PRKG1: variants seen among roughly 807,000 people sequenced by gnomAD.
PRKG1 encodes the protein cGMP-dependent protein kinase 1.
PRKG1 carries 35 observed loss-of-function variants against 88.1 expected under a neutral mutation model. The ratio of observed to expected loss-of-function variants is 0.40; its 90% CI spans 0.30 to 0.53. The LOEUF (loss-of-function observed/expected upper bound fraction) is 0.53. PRKG1 is among the 20% of genes least tolerant of loss of function. The pLI is 0.59. For synonymous variants in PRKG1, 303 were observed against 292.5 expected (o/e 1.04, Z -0.37); for missense variants, 540 against 839.8 (o/e 0.64, Z 4.41).
chr10:51,412,404 G>T (rs1838119294), intron 2 of PRKG1, among the ~76,000 whole-genome samples: 1 of 152,034 alleles, frequency 6.6e-6, no homozygotes, highest in Non-Finnish European at 1.5e-5. Flanking sequence ...CAGCCCTTTG[G>T]GAAGATAAGG....
At chr10:51,999,647 C>G (rs1381738207) in intron 5 of PRKG1, among the ~76,000 whole-genome samples, 1 of 151,918 alleles carries the variant, frequency 6.6e-6, no homozygotes, top group Non-Finnish European at 1.5e-5. Flanking sequence ...ATACATAATT[C>G]TTTTCTTTAG....
At chr10:52,105,519 C>T (rs182070771) in intron 7 of PRKG1, among the ~76,000 whole-genome samples, 36 of 152,148 alleles carry the variant, frequency 2.4e-4, no homozygotes, top group South Asian at 6.2e-4. Flanking sequence ...CTGCAGAGGG[C>T]GTGTAGAATG....
At chr10:51,918,297 A>C (rs1842388218) in intron 5 of PRKG1, among the ~76,000 whole-genome samples, 1 of 151,948 alleles carries the variant, frequency 6.6e-6, no homozygotes, top group East Asian at 1.9e-4. Context: ...TCTTTTAAAT[A>C]GGTTGTACTT....
chr10:51,166,935 A>G (rs1257032793), intron 2 of PRKG1, among the ~76,000 whole-genome samples: 1 of 152,186 alleles, frequency 6.6e-6, no homozygotes, highest in Non-Finnish European at 1.5e-5. Context: ...TGCAATATAT[A>G]GTCTTTATTC....
At chr10:51,738,517 C>T (rs115837374) in intron 3 of PRKG1, among the ~76,000 whole-genome samples, 132 of 152,278 alleles carry the variant, frequency 8.7e-4, no homozygotes, top group African/African-American at 3.1e-3. Context: ...ATGACAAATT[C>T]TAAACATTCA....
chr10:51,340,879 C>T (rs1696025030), intron 2 of PRKG1, among the ~76,000 whole-genome samples: 6 of 152,054 alleles, frequency 3.9e-5, no homozygotes, highest in Admixed American at 3.9e-4. Flanking sequence ...TCATTTTATC[C>T]ATATTAAAAA....
At chr10:51,061,774 C>A (rs1046874012) in intron 1 of PRKG1, among the ~76,000 whole-genome samples, 6 of 152,142 alleles carry the variant, frequency 3.9e-5, no homozygotes, top group African/African-American at 1.2e-4. Flanking sequence ...TTTTCAGTTA[C>A]TGCTTTCTTT....
At chr10:52,125,426 G>A (rs187834988) in intron 7 of PRKG1, among the ~76,000 whole-genome samples, 53 of 152,252 alleles carry the variant, frequency 3.5e-4, no homozygotes, top group African/African-American at 1.3e-3. Flanking sequence ...CCTAATTGCT[G>A]AATGAGATCC....
At chr10:51,897,028 A>G in intron 4 of PRKG1, among the ~76,000 whole-genome samples, 1 of 152,194 alleles carries the variant, frequency 6.6e-6, no homozygotes, top group East Asian at 1.9e-4. Context: ...AAGTAGATTG[A>G]AGTCAGATGT....
intron 9 of PRKG1, among the ~76,000 whole-genome samples, chr10:52,238,804 A>C (rs1840764104): frequency 6.6e-6 from 1 of 150,666 alleles, no homozygotes; most frequent in South Asian, 2.1e-4. Context: ...CATTTGACCC[A>C]GCCATCCCAT....
intron 2 of PRKG1, among the ~76,000 whole-genome samples, chr10:51,345,665 GA>G (rs1347458518): frequency 3.9e-5 from 6 of 152,162 alleles, no homozygotes; most frequent in African/African-American, 1.4e-4. Context: ...GCAAGGAAGG[GA>G]AATAGCCTTA....
intron 3 of PRKG1, among the ~76,000 whole-genome samples, chr10:51,689,230 A>AGTCTATCTACT (rs1372111952): frequency 8.6e-5 from 9 of 104,610 alleles, no homozygotes; most frequent in African/African-American, 3.1e-4. Flanking sequence ...TGACATAATA[A>AGTCTATCTACT]ATCTATCTAC....
chr10:51,093,664 ATATG>A (rs1222583220), intron 1 of PRKG1, among the ~76,000 whole-genome samples: 24 of 148,478 alleles, frequency 1.6e-4, no homozygotes, highest in Non-Finnish European at 8.9e-5. Context: ...TACATTATAT[ATATG>A]TATGTATGTG....
chr10:51,727,320 A>G (rs2132463470), intron 3 of PRKG1, among the ~76,000 whole-genome samples: 2 of 150,196 alleles, frequency 1.3e-5, no homozygotes, highest in East Asian at 2.0e-4. Context: ...CTTTTCTCAG[A>G]GTTATATTTT....
chr10:51,444,148 C>A (rs940587371), intron 2 of PRKG1, among the ~76,000 whole-genome samples: 4 of 150,266 alleles, frequency 2.7e-5, no homozygotes, highest in African/African-American at 9.8e-5. Flanking sequence ...AATTATTATA[C>A]CAGCTGTATA....
intron 1 of PRKG1, among the ~76,000 whole-genome samples, chr10:51,080,669 G>T (rs771879507): frequency 6.6e-6 from 1 of 152,190 alleles, no homozygotes; most frequent in Non-Finnish European, 1.5e-5. Flanking sequence ...TTACCAGTAT[G>T]CTCAACAACT....
At chr10:52,014,311 T>C (rs1243692291) in intron 5 of PRKG1, among the ~76,000 whole-genome samples, 1 of 152,050 alleles carries the variant, frequency 6.6e-6, no homozygotes, top group South Asian at 2.1e-4. Context: ...GTACATATTA[T>C]ATGGTGGCAG....
chr10:51,802,210 G>T (rs1345417044), intron 3 of PRKG1, among the ~76,000 whole-genome samples: 1 of 152,104 alleles, frequency 6.6e-6, no homozygotes, highest in Non-Finnish European at 1.5e-5. Context: ...AGTCATGCTT[G>T]TCCATCTGTA....
At position 52,173,271 on chromosome 10, in the gene PRKG1, A is replaced by G. The variant is rs565675206; in HGVS notation, c.1076+11308A>G. Among the ~76,000 whole-genome samples the G allele has an allele frequency of 3.3e-5, 5 of 152,294 alleles. No homozygotes were observed. In the South Asian group the frequency reaches 1.0e-3, roughly 32 times the overall value. On this transcript the variant is annotated intron_variant, in intron 9 of 17. Transcript: ENST00000373980. ...GTATTGCTTGAAGCTCATTTTGATAATTCATAGTAATTAAGTAAGCCTTTA... is the reference window on the plus strand; with the variant it reads ...GTATTGCTTGAAGCTCATTTTGATAGTTCATAGTAATTAAGTAAGCCTTTA...
Sources: allele counts gnomAD v4.1 joint callset (sites outside exome capture counted in the v4.1 genomes callset), GRCh38; gene constraint gnomAD v4.1.1; transcripts MANE v1.5; gene names NCBI Gene and HGNC (gene_info 2026-07-23, HGNC 2026-07-21).